Variants in CLCN6 observed in about 807,000 individuals in gnomAD.
CLCN6 encodes the protein Cl-/H+ antiporter 6.
Under a neutral mutation model 109.8 loss-of-function variants are expected in CLCN6, and 70 were observed. The ratio of observed to expected loss-of-function variants is 0.64; its 90% confidence interval spans 0.53 to 0.78. CLCN6 has a LOEUF of 0.78. Ranked by LOEUF, CLCN6 falls within the 30% of genes least tolerant of loss-of-function variation. The probability of loss-of-function intolerance (pLI) is 0.00; values close to 1 mark genes in which losing one functional copy is unlikely to be tolerated. For synonymous variants in CLCN6, 444 were observed against 447.8 expected (o/e 0.99, Z 0.11); for missense variants, 984 against 1,142.3 (o/e 0.86, Z 2.00).
At chr1:11,838,496 G>A (rs770294009) in intron 21 of CLCN6, 39 bp from the exon 22 acceptor site, 1 of 1,606,774 alleles carries the variant, frequency 6.2e-7, no homozygotes. Flanking sequence ...TCATGCCGTT[G>A]GCGTCTCAGG....
At chr1:11,809,060 C>T (rs1251230809) in intron 2 of CLCN6, among the ~76,000 whole-genome samples, 1 of 152,004 alleles carries the variant, frequency 6.6e-6, no homozygotes. Context: ...TAGGGTTTCA[C>T]CATGTTGGCC....
chr1:11,828,797 A>C (rs1200062012), intron 12 of CLCN6, among the ~76,000 whole-genome samples, 173 bp downstream of exon 12: 1 of 152,186 alleles, frequency 6.6e-6, no homozygotes. Flanking sequence ...CAAAGGGCTG[A>C]GCCAGCTTAA....
At chr1:11,823,983 C>A in intron 7 of CLCN6, 150 bp downstream of exon 7, 1 of 935,884 alleles carries the variant, frequency 1.1e-6, no homozygotes, top group Non-Finnish European at 1.6e-6. Flanking sequence ...TTTTTAAATG[C>A]AGACACTGTT....
rs1434161012 is a variant in CLCN6, at chr1:11,829,161, C to A, written c.1122-35C>A. On this transcript the variant is annotated intron_variant, in intron 12 of 22. Coordinates refer to ENST00000346436, the MANE Select transcript of CLCN6 (RefSeq NM_001286.5). ...GAATTTCTGAGACCAGAGCTTCTTT[C>A]TGTGGCGTTGTAACAGCTGTGCTTT... The A allele has an allele frequency of 2.5e-6, 4 of 1,603,432 alleles. No individual in the cohort carries two copies. The East Asian group carries it at 9.0e-5, about 36-fold the overall frequency.
chr1:11,816,556 T>G, intron 3 of CLCN6, 59 bp from the exon 4 acceptor site: 1 of 1,502,742 alleles, frequency 6.7e-7, no homozygotes, highest in East Asian at 2.3e-5. Context: ...CAAGATGTAT[T>G]TCTTCCCCTC....
chr1:11,807,043 A>G, intron 1 of CLCN6, 88 bp from the exon 2 acceptor site: 1 of 1,185,692 alleles, frequency 8.4e-7, no homozygotes, highest in Non-Finnish European at 1.3e-6. Context: ...GATGATTTAG[A>G]AGCTAGCCAC....
chr1:11,807,321 T>C (rs763683522), intron 2 of CLCN6, 131 bp downstream of exon 2: 5 of 743,296 alleles, frequency 6.7e-6, no homozygotes, highest in Non-Finnish European at 1.1e-5. Context: ...GTAAGAGAAC[T>C]TCCTTCTAGG....
At chr1:11,818,158 T>C (rs1644698363) in intron 4 of CLCN6, among the ~76,000 whole-genome samples, 1 of 152,114 alleles carries the variant, frequency 6.6e-6, no homozygotes, top group Non-Finnish European at 1.5e-5. Flanking sequence ...CTATATATGT[T>C]TCTGGTTGCA....
rs367714221 is a variant in CLCN6, at chr1:11,806,257, A to C, written c.-6A>C. ...GAGGGGTCCAGAGTGGCAGTAAAGG[A>C]GGAAGATGGCGGGGTGCAGGGGGTC... is the stretch of plus-strand genomic sequence containing the variant. On this transcript the variant is annotated 5_prime_UTR_variant, in exon 1 of 23. Transcript: ENST00000346436. The C allele has an allele frequency of 3.4e-6, 5 of 1,462,146 alleles. No homozygotes were observed. In the African/African-American group the frequency reaches 7.4e-5, roughly 22 times the overall value. 90.6% of individuals were successfully genotyped at this position (1,462,146 alleles called of 1,614,324 possible). A position where few individuals can be genotyped will look rare whatever the true frequency, so the allele number is the denominator to read the frequency against.
In CLCN6 at chr1:11,839,195, C is replaced by T. The variant is rs542950842; in HGVS notation, c.2529+535C>T. 90 of 554,500 alleles carry T rather than the reference C, an allele frequency of 1.6e-4. 1 individual carries two copies. Among genetic ancestry groups the T allele is most frequent in the East Asian group, 1.4e-3 (48 of 33,494 alleles). The allele number at this position is 554,500 out of a possible 1,614,324, so 34.3% of individuals were successfully genotyped here. Reference sequence around the variant, plus strand: ...AAAAAACAAGCAAAAACCAAACCCTCGTCCCTACCCTGTCGCGGTAGCCCT... The same window carrying T: ...AAAAAACAAGCAAAAACCAAACCCTTGTCCCTACCCTGTCGCGGTAGCCCT... On this transcript the variant is annotated intron_variant, in intron 22 of 22. Transcript: ENST00000346436.
At chr1:11,839,196 G>A (rs1290218950) in intron 22 of CLCN6, 20 of 554,614 alleles carry the variant, frequency 3.6e-5, no homozygotes, top group East Asian at 1.8e-4. Flanking sequence ...CCAAACCCTC[G>A]TCCCTACCCT....
At chr1:11,810,771 TA>T (rs869237803) in intron 2 of CLCN6, among the ~76,000 whole-genome samples, 32 of 148,820 alleles carry the variant, frequency 2.2e-4, no homozygotes, top group African/African-American at 6.7e-4. Context: ...CTAATTTATT[TA>T]AAAAAAAAAG....
Position 11,824,447 on chromosome 1 carries a change from T to C in CLCN6, c.581-39T>C, listed in dbSNP as rs746383670. The C allele has an allele frequency of 5.7e-6, 9 of 1,577,304 alleles. No homozygotes were observed. The South Asian group carries it at 1.0e-4, about 18-fold the overall frequency. On this transcript the variant is annotated intron_variant, in intron 7 of 22. Transcript: ENST00000346436. ...AGGTCTCCTGACCCAGGGGCGTTTCTGCACTGACTGTTGGTCTTTCCTTTT... is the reference window on the plus strand; with the variant it reads ...AGGTCTCCTGACCCAGGGGCGTTTCCGCACTGACTGTTGGTCTTTCCTTTT...
chr1:11,808,227 T>TG (rs1644548460), intron 2 of CLCN6, among the ~76,000 whole-genome samples: 4 of 139,258 alleles, frequency 2.9e-5, no homozygotes, highest in South Asian at 4.7e-4. Flanking sequence ...GTGTGTGTGT[T>TG]TGTGTGTGTG....
intron 13 of CLCN6, among the ~76,000 whole-genome samples, chr1:11,830,735 TA>T (rs1644868695): frequency 1.0e-5 from 1 of 95,436 alleles, no homozygotes; most frequent in Non-Finnish European, 2.1e-5. Flanking sequence ...TATATGTATA[TA>T]TTATATATAT....
At chr1:11,826,000 C>T (rs1040098250) in intron 8 of CLCN6, among the ~76,000 whole-genome samples, 156 bp from the exon 9 acceptor site, 4 of 152,118 alleles carry the variant, frequency 2.6e-5, no homozygotes, top group African/African-American at 9.7e-5. Flanking sequence ...TGTGCTCAAG[C>T]AGAGGGGCCT....
At position 11,809,369 on chromosome 1, in the gene CLCN6, G is replaced by T. The variant is rs184252918; in HGVS notation, c.147+2179G>T. ...CCAAGGCTTCCCCATTGACACCCAG[G>T]CTCCCTCACCCCTTCTACTAAATTG... is the stretch of plus-strand genomic sequence containing the variant. On this transcript the variant is annotated intron_variant, in intron 2 of 22. Coordinates refer to ENST00000346436, the MANE Select transcript of CLCN6 (RefSeq NM_001286.5). Among the ~76,000 whole-genome samples, 201 of 152,164 alleles carry T rather than the reference G, an allele frequency of 1.3e-3. 1 individual carries two copies. The highest frequency in any genetic ancestry group is 4.6e-3 in the African/African-American group (192 of 41,506).
At chr1:11,839,101 A>G in intron 22 of CLCN6, 1 of 588,318 alleles carries the variant, frequency 1.7e-6, no homozygotes, top group Non-Finnish European at 3.0e-6. Flanking sequence ...TTATTTTCTT[A>G]TTACACAAAT....
intron 10 of CLCN6, among the ~76,000 whole-genome samples, 189 bp downstream of exon 10, chr1:11,827,410 C>T (rs1298477223): frequency 1.3e-5 from 2 of 149,672 alleles, no homozygotes; most frequent in African/African-American, 4.9e-5. Context: ...CCTCCCTAAC[C>T]CCAAATCAAA....
Sources: gnomAD v4.1 joint callset for allele counts (sites outside exome capture counted in the v4.1 genomes callset) on GRCh38, gnomAD v4.1.1 for gene constraint, MANE v1.5 for transcripts, NCBI Gene and HGNC (gene_info 2026-07-23, HGNC 2026-07-21) for gene names.